Variants in CCDC73 observed in about 807,000 individuals in gnomAD.
CCDC73 encodes coiled-coil domain-containing protein 73.
In CCDC73, 95 loss-of-function variants were observed where a neutral mutation model predicts 116.5. The observed-to-expected ratio is 0.82, with a 90% CI of 0.69 to 0.97. The LOEUF is 0.97. CCDC73 is among the 50% of genes least tolerant of loss of function. CCDC73 has a pLI of 0.00. For synonymous variants in CCDC73, 398 were observed against 401.3 expected (o/e 0.99, Z 0.10); for missense variants, 1,066 against 1,206.8 (o/e 0.88, Z 1.73).
chr11:32,827,907 G>C, the CCDC73 span, among the ~76,000 whole-genome samples: 1 of 152,164 alleles, frequency 6.6e-6, no homozygotes, highest in Non-Finnish European at 1.5e-5. Context: ...TAGTGAAAAT[G>C]TTTCCTATTC....
At chr11:32,699,105 C>T (rs1849786643) in intron 6 of CCDC73, 146 bp downstream of exon 6, 1 of 858,402 alleles carries the variant, frequency 1.2e-6, no homozygotes. Context: ...TAAAACAAGG[C>T]TCTCAGGAAA....
chr11:32,722,056 G>T (rs1849994861), intron 2 of CCDC73, among the ~76,000 whole-genome samples: 1 of 152,112 alleles, frequency 6.6e-6, no homozygotes, highest in East Asian at 1.9e-4. Context: ...TGGCTTATGG[G>T]AGTTAGCATC....
At chr11:32,822,121 A>G in the CCDC73 span, among the ~76,000 whole-genome samples, 1 of 152,210 alleles carries the variant, frequency 6.6e-6, no homozygotes, top group African/African-American at 2.4e-5. Flanking sequence ...TTTACTGCTA[A>G]TGAGATTGAA....
At chr11:32,691,807 G>T (rs969457106) in intron 6 of CCDC73, among the ~76,000 whole-genome samples, 1 of 152,076 alleles carries the variant, frequency 6.6e-6, no homozygotes, top group Admixed American at 6.5e-5. Context: ...CTAGCACTTT[G>T]GGAGGCCGAG....
At chr11:32,745,747 T>TTTGGG (rs1565091507) in intron 2 of CCDC73, among the ~76,000 whole-genome samples, 1 of 16,612 alleles carries the variant, frequency 6.0e-5, no homozygotes, top group Non-Finnish European at 1.1e-4. Flanking sequence ...TTGTTTTGGT[T>TTTGGG]TTTTTTTTTT....
the CCDC73 span, among the ~76,000 whole-genome samples, chr11:32,827,765 C>T: frequency 0.018 from 2,733 of 152,276 alleles, 85 homozygotes; most frequent in African/African-American, 0.06. Context: ...ACTTTACAGG[C>T]CCACATTCTC....
At chr11:32,640,388 A>C (rs1855721896) in intron 13 of CCDC73, among the ~76,000 whole-genome samples, 1 of 152,094 alleles carries the variant, frequency 6.6e-6, no homozygotes. Flanking sequence ...TAATTTTCTT[A>C]GCTAAACTGA....
chr11:32,770,034 A>C (rs1480553008), intron 1 of CCDC73, among the ~76,000 whole-genome samples: 1 of 152,224 alleles, frequency 6.6e-6, no homozygotes, highest in African/African-American at 2.4e-5. Flanking sequence ...AATGGCTTAC[A>C]GCAGTAATTT....
the CCDC73 span, among the ~76,000 whole-genome samples, chr11:32,817,122 T>A: frequency 1.3e-5 from 2 of 152,216 alleles, no homozygotes; most frequent in African/African-American, 2.4e-5. Context: ...CTATGGTGAA[T>A]GTAAGTAATT....
Position 32,644,839 on chromosome 11 carries a change from C to T in CCDC73, c.940-2757G>A, listed in dbSNP as rs887943223. Reference sequence around the variant, plus strand: ...GTAGAATGCCCTATAAATGGAATCACGGAACAACACTGTATGTAGCCTTTT... The same window carrying T: ...GTAGAATGCCCTATAAATGGAATCATGGAACAACACTGTATGTAGCCTTTT... On this transcript the variant is annotated intron_variant, in intron 12 of 17. Coordinates refer to ENST00000335185, the MANE Select transcript of CCDC73 (RefSeq NM_001008391.4). 3.9e-5 allele frequency among the ~76,000 whole-genome samples: 6 copies of T among 152,112 alleles called. No individual in the cohort carries two copies. In the South Asian group the frequency reaches 6.2e-4, roughly 16 times the overall value.
intron 2 of CCDC73, among the ~76,000 whole-genome samples, chr11:32,725,106 A>G (rs1850020009): frequency 6.6e-6 from 1 of 152,102 alleles, no homozygotes; most frequent in African/African-American, 2.4e-5. Context: ...AGTTTAGTGA[A>G]GTAAGAAGAT....
chr11:32,758,467 T>C (rs1590633140), intron 2 of CCDC73: 1 of 461,526 alleles, frequency 2.2e-6, no homozygotes, highest in East Asian at 5.6e-5. Context: ...CTTATGAGGT[T>C]ATCTTGAAAA....
upstream of CCDC73, among the ~76,000 whole-genome samples, chr11:32,795,339 C>T (rs1211766949): frequency 6.6e-6 from 1 of 151,658 alleles, no homozygotes; most frequent in Non-Finnish European, 1.5e-5. Context: ...GGCATGGTGG[C>T]GTGCGGCTGT....
intron 1 of CCDC73, among the ~76,000 whole-genome samples, chr11:32,776,984 C>CACATGTATATATATATATATATATATAT (rs1850540208): frequency 1.4e-5 from 1 of 72,812 alleles, no homozygotes; most frequent in Non-Finnish European, 2.8e-5. Context: ...TATATATATA[C>CACATGTATATATATATATATATATATAT]ACATGTATAT....
intron 2 of CCDC73, among the ~76,000 whole-genome samples, chr11:32,755,806 T>C (rs1279193656): frequency 7.5e-6 from 1 of 133,802 alleles, no homozygotes; most frequent in Non-Finnish European, 1.5e-5. Flanking sequence ...TATGTGTATA[T>C]ATATATCTCC....
At chr11:32,675,672 C>G in intron 8 of CCDC73, 28 bp from the exon 9 acceptor site, 1 of 1,497,282 alleles carries the variant, frequency 6.7e-7, no homozygotes. Context: ...TTTAAGAAAG[C>G]ATTATATTCA....
chr11:32,667,693 C>G (rs1855999304), intron 9 of CCDC73, among the ~76,000 whole-genome samples: 1 of 152,180 alleles, frequency 6.6e-6, no homozygotes, highest in East Asian at 1.9e-4. Context: ...CAACAAGCCC[C>G]AATGAGATGA....
intron 9 of CCDC73, among the ~76,000 whole-genome samples, chr11:32,664,507 C>T (rs1051511557): frequency 6.6e-6 from 1 of 152,082 alleles, no homozygotes; most frequent in Admixed American, 6.6e-5. Flanking sequence ...GTTTGTATTT[C>T]CGTGGGATTG....
intron 2 of CCDC73, among the ~76,000 whole-genome samples, chr11:32,756,683 C>T (rs1358667753): frequency 6.6e-6 from 1 of 151,742 alleles, no homozygotes; most frequent in Non-Finnish European, 1.5e-5. Context: ...CCGAACGATA[C>T]AAGGACCTAA....
Sources: allele counts gnomAD v4.1 joint callset (sites outside exome capture counted in the v4.1 genomes callset), GRCh38; gene constraint gnomAD v4.1.1; transcripts MANE v1.5; gene names NCBI Gene and HGNC (gene_info 2026-07-23, HGNC 2026-07-21).